Variants in ASMTL observed in about 807,000 individuals in gnomAD.
ASMTL encodes probable bifunctional dTTP/UTP pyrophosphatase/methyltransferase protein.
In ASMTL, 57 loss-of-function variants were observed where a neutral mutation model predicts 60.3. That is an observed-to-expected ratio of 0.95 (90% CI 0.76 to 1.18). ASMTL has a LOEUF of 1.18. Among genes scored for constraint, ASMTL ranks in the 50% most tolerant of loss-of-function variants. The probability of loss-of-function intolerance (pLI) is 0.00; values close to 1 mark genes in which losing one functional copy is unlikely to be tolerated. For missense variants in ASMTL, 981 were observed against 852.6 expected (o/e 1.15, Z -1.88); for synonymous variants, 419 against 373.0 (o/e 1.12, Z -1.42).
In ASMTL at chrX:1,403,226, G is replaced by C; in HGVS notation, c.*43C>G. 1 of 1,571,414 alleles carries C rather than the reference G, an allele frequency of 6.4e-7. No individual in the cohort carries two copies. On this transcript the variant is annotated 3_prime_UTR_variant, in exon 13 of 13. Transcript: ENST00000381317. ...TTGGGGACCGGGCGGTCCACCTGCA[G>C]CCTGGGGGAGGACATCCCTATAATG...
At chrX:1,420,740 T>TC (rs2090463206) in intron 9 of ASMTL, among the ~76,000 whole-genome samples, 2 of 152,328 alleles carry the variant, frequency 1.3e-5, no homozygotes, top group East Asian at 3.9e-4. Flanking sequence ...AAGTGTCAGT[T>TC]CCATTGAAGC....
intron 11 of ASMTL, 89 bp from the exon 12 acceptor site, chrX:1,412,943 A>G (rs1463465051): frequency 6.8e-7 from 1 of 1,465,166 alleles, no homozygotes; most frequent in Non-Finnish European, 9.5e-7. Flanking sequence ...CCCGCATCCT[A>G]AATCAGGGAC....
At chrX:1,404,387 GGGTA>G (rs1159577255) in intron 12 of ASMTL, among the ~76,000 whole-genome samples, 4 of 150,570 alleles carry the variant, frequency 2.7e-5, no homozygotes, top group South Asian at 2.1e-4. Context: ...GGTAGATGAT[GGGTA>G]GGTAGGTGGA....
Position 1,403,715 on chromosome X carries a change from T to C in ASMTL, c.1646-226A>G, listed in dbSNP as rs186790029. The C allele has an allele frequency of 1.9e-3, 1,155 of 600,258 alleles. 8 individuals carry two copies. The highest frequency in any genetic ancestry group is 0.019 in the African/African-American group (1,013 of 53,988). 37.2% of individuals were successfully genotyped at this position (600,258 alleles called of 1,614,324 possible). A position where few individuals can be genotyped will look rare whatever the true frequency, so the allele number is the denominator to read the frequency against. ...TTTGATCGAAAGATGGATGGATAGA[T>C]GGATGCATCACCTGGGCCTTTTCCG... On this transcript the variant is annotated intron_variant, in intron 12 of 12. Coordinates refer to ENST00000381317, the MANE Select transcript of ASMTL (RefSeq NM_004192.4).
chrX:1,419,590 A>AGG (rs1424719474), intron 9 of ASMTL, among the ~76,000 whole-genome samples: 1 of 151,642 alleles, frequency 6.6e-6, no homozygotes, highest in African/African-American at 2.4e-5. Context: ...GAGCTTCTCC[A>AGG]AGTCCCCCCA....
At chrX:1,418,875 T>C in intron 10 of ASMTL, 107 bp downstream of exon 10, 8 of 1,419,478 alleles carry the variant, frequency 5.6e-6, no homozygotes, top group South Asian at 2.5e-5. Flanking sequence ...CAGGTCGTTA[T>C]CAGGTTTGTC....
intron 1 of ASMTL, among the ~76,000 whole-genome samples, chrX:1,446,657 G>T (rs1484011722): frequency 6.6e-6 from 1 of 151,902 alleles, no homozygotes; most frequent in African/African-American, 2.4e-5. Flanking sequence ...CCGCCACCAC[G>T]CCCGGCTAAT....
chrX:1,453,377 T>G (rs772512896), upstream of ASMTL, among the ~76,000 whole-genome samples: 1,143 of 148,308 alleles, frequency 7.7e-3, 9 homozygotes, highest in Middle Eastern at 0.027. Flanking sequence ...CCCGGCCGCT[T>G]GGTGAAGCAC....
At chrX:1,421,142 T>C (rs1359245914) in intron 9 of ASMTL, among the ~76,000 whole-genome samples, 4 of 151,872 alleles carry the variant, frequency 2.6e-5, no homozygotes, top group Admixed American at 1.3e-4. Flanking sequence ...TTTTTGTATT[T>C]TTAGTAGAGA....
rs1425308001 is a variant in ASMTL at position 1,419,002 on chromosome X, G to A, written c.1358C>T (p.Ser453Phe). 6.2e-7 allele frequency: 1 copy of A among 1,611,870 alleles called. No homozygotes were observed. Among genetic ancestry groups the A allele is most frequent in the Admixed American group, 1.7e-5 (1 of 60,004 alleles). Residue 453 changes from serine (S) to phenylalanine (F), a missense_variant, in exon 10 of 13, where the codon TCC becomes TTC. Transcript: ENST00000381317. ...VATAFNLSRF[S>F]SACDVGGCTG... ...CCCACCTCCCACGTCGCAGGCGGAG[G>A]AGAAGCGGGACAGATTGAAGGCCGT...
intron 11 of ASMTL, 154 bp from the exon 12 acceptor site, chrX:1,413,008 G>T: frequency 1.2e-6 from 1 of 802,964 alleles, no homozygotes; most frequent in Non-Finnish European, 2.1e-6. Flanking sequence ...ATCCCCGTGG[G>T]GACTTGAACA....
chrX:1,442,179 C>CTTG lies in ASMTL; in HGVS notation c.225+6_225+7insCAA. On this transcript the variant is annotated splice_region_variant and intron_variant, in intron 2 of 12. Transcript: ENST00000381317. ...TTCATAAGGGCCGAAGGGCAGGGGCCCCTTGCCTGGTACAGCCGGTTGGCC... is the reference window on the plus strand; with the variant it reads ...TTCATAAGGGCCGAAGGGCAGGGGCCTTGCCTTGCCTGGTACAGCCGGTTGGCC... The CTTG allele has an allele frequency of 1.2e-6, 2 of 1,613,404 alleles. No individual in the cohort carries two copies. Among genetic ancestry groups the CTTG allele is most frequent in the Non-Finnish European group, 1.7e-6 (2 of 1,179,804 alleles).
intron 2 of ASMTL, among the ~76,000 whole-genome samples, chrX:1,441,230 T>C (rs1287232482): frequency 1.3e-5 from 2 of 152,204 alleles, no homozygotes; most frequent in African/African-American, 4.8e-5. Flanking sequence ...ACATTAATTG[T>C]ATATCATCAA....
chrX:1,411,806 C>CTTTTTTT (rs756437483), intron 12 of ASMTL, among the ~76,000 whole-genome samples: 124 of 86,162 alleles, frequency 1.4e-3, no homozygotes, highest in East Asian at 1.6e-3. Flanking sequence ...TTAGGATTTT[C>CTTTTTTT]TTTTTTTTTT....
intron 11 of ASMTL, among the ~76,000 whole-genome samples, chrX:1,417,587 G>A (rs1291847676): frequency 3.6e-5 from 5 of 139,608 alleles, no homozygotes; most frequent in Middle Eastern, 5.0e-3. Flanking sequence ...GACACCCACC[G>A]GCTCACAGCA....
Position 1,413,061 on chromosome X carries a change from T to C in ASMTL, c.1523-207A>G, listed in dbSNP as rs1342510415. 9.9e-6 allele frequency: 6 copies of C among 606,276 alleles called. No individual in the cohort carries two copies. In the East Asian group the frequency reaches 1.7e-4, roughly 17 times the overall value. 37.6% of individuals were successfully genotyped at this position (606,276 alleles called of 1,614,324 possible). Reference sequence around the variant, plus strand: ...GGTTAGTGATGTCACGCCCGTGCGGTTTGACTCGGGCTGAGAAAACGCTGG... The same window carrying C: ...GGTTAGTGATGTCACGCCCGTGCGGCTTGACTCGGGCTGAGAAAACGCTGG... On this transcript the variant is annotated intron_variant, in intron 11 of 12. Coordinates refer to ENST00000381317, the MANE Select transcript of ASMTL (RefSeq NM_004192.4).
chrX:1,419,188 G>A (rs758732558), intron 9 of ASMTL, 74 bp from the exon 10 acceptor site: 10 of 1,553,016 alleles, frequency 6.4e-6, no homozygotes, highest in African/African-American at 2.7e-5. Flanking sequence ...CCTGGGGGTC[G>A]GGGGGAGAAG....
chrX:1,404,982 G>C (rs1490470816), intron 12 of ASMTL, among the ~76,000 whole-genome samples: 1 of 150,624 alleles, frequency 6.6e-6, no homozygotes, highest in African/African-American at 2.4e-5. Context: ...ATAGATGGTA[G>C]ATGATGGGTA....
intron 3 of ASMTL, among the ~76,000 whole-genome samples, chrX:1,438,060 G>A (rs193140949): frequency 0.092 from 13,886 of 151,430 alleles, 792 homozygotes; most frequent in East Asian, 0.23. Context: ...AGGCTAAGGT[G>A]GGCAGATCAC....
Sources: gnomAD v4.1 joint callset for allele counts (sites outside exome capture counted in the v4.1 genomes callset) on GRCh38, gnomAD v4.1.1 for gene constraint, MANE v1.5 for transcripts, NCBI Gene and HGNC (gene_info 2026-07-23, HGNC 2026-07-21) for gene names.